Variants in HACE1 observed in about 807,000 individuals in gnomAD.
HACE1 encodes HECT domain and ankyrin repeat containing E3 ubiquitin protein ligase 1.
Under a neutral mutation model 118.4 loss-of-function variants are expected in HACE1, and 73 were observed. The ratio of observed to expected loss-of-function variants is 0.62; its 90% CI spans 0.51 to 0.75. The LOEUF is 0.75. Ranked by LOEUF, HACE1 falls within the 30% of genes least tolerant of loss-of-function variation. HACE1 has a pLI of 0.00. For missense variants in HACE1, 749 were observed against 1,102.2 expected, an observed-to-expected ratio of 0.68 and a Z score of 4.54; for synonymous variants, 368 against 374.8, an observed-to-expected ratio of 0.98 and a Z score of 0.21.
intron 4 of HACE1, among the ~76,000 whole-genome samples, chr6:104,843,542 G>C (rs925365220): frequency 6.6e-6 from 1 of 152,154 alleles, no homozygotes; most frequent in African/African-American, 2.4e-5. Context: ...ATATCATTGG[G>C]ACAAATCACA....
intron 22 of HACE1, among the ~76,000 whole-genome samples, chr6:104,733,920 A>T (rs926640871): frequency 3.9e-5 from 6 of 151,910 alleles, no homozygotes; most frequent in Non-Finnish European, 8.8e-5. Context: ...TGGGAAGCCA[A>T]GGCAGGTGGA....
At position 104,797,933 on chromosome 6, in the gene HACE1, T is replaced by G. The variant is rs552759252; in HGVS notation, c.618-908A>C. Among the ~76,000 whole-genome samples, 12 of 152,022 alleles carry G rather than the reference T, an allele frequency of 7.9e-5. No homozygotes were observed. The South Asian group carries it at 1.5e-3, about 18-fold the overall frequency. ...AAAATACAAAATTAGCTGGGCATGGTAGCCGGTGCCTGTAATCCCAGCTAC... is the reference window on the plus strand; with the variant it reads ...AAAATACAAAATTAGCTGGGCATGGGAGCCGGTGCCTGTAATCCCAGCTAC... On this transcript the variant is annotated intron_variant, in intron 7 of 23. Transcript: ENST00000262903.
chr6:104,729,693 T>A lies in HACE1; in HGVS notation c.2699A>T (p.His900Leu). ...ILKDRLLVAL[H>L]CGSYGYTMA Reference sequence around the variant, plus strand: ...CATTGTGTAACCATAGCTGCCACAATGTAGTGCCACAAGAAGTCTGTCCTT... The same window carrying A: ...CATTGTGTAACCATAGCTGCCACAAAGTAGTGCCACAAGAAGTCTGTCCTT... The change falls in exon 24 of 24, where the codon CAT becomes CTT. Residue 900 changes from histidine (H) to leucine (L), a missense_variant. By Grantham distance (99) the His-to-Leu change is moderately conservative (BLOSUM62 -3). Around this residue, in one of 5 missense-constraint regions of HACE1, gnomAD observed 165 missense variants for 229.9 expected, o/e 0.72. Coordinates refer to ENST00000262903, the MANE Select transcript of HACE1 (RefSeq NM_020771.4). The A allele has an allele frequency of 6.4e-7, 1 of 1,566,830 alleles. No individual in the cohort carries two copies. Among genetic ancestry groups the A allele is most frequent in the Non-Finnish European group, 8.8e-7 (1 of 1,136,932 alleles).
At chr6:104,765,153 T>C (rs1582356451) in intron 19 of HACE1, among the ~76,000 whole-genome samples, 2 of 152,350 alleles carry the variant, frequency 1.3e-5, no homozygotes, top group Middle Eastern at 6.8e-3. Flanking sequence ...TTATTTTTGA[T>C]GAGAATTTCA....
intron 19 of HACE1, among the ~76,000 whole-genome samples, chr6:104,762,390 T>A (rs1375565265): frequency 6.6e-6 from 1 of 152,150 alleles, no homozygotes; most frequent in Non-Finnish European, 1.5e-5. Context: ...TGAGTTCATG[T>A]CCTTTGCAGG....
At chr6:104,858,711 C>T (rs1776997837) in intron 1 of HACE1, among the ~76,000 whole-genome samples, 1 of 152,188 alleles carries the variant, frequency 6.6e-6, no homozygotes, top group South Asian at 2.1e-4. Flanking sequence ...CAGCTACAAC[C>T]TCCTCCCAAC....
At chr6:104,791,790 T>C (rs1474187022) in intron 10 of HACE1, 136 bp from the exon 11 acceptor site, 6 of 634,082 alleles carry the variant, frequency 9.5e-6, no homozygotes, top group Non-Finnish European at 1.6e-5. Context: ...TTTCCTATCA[T>C]GATAGGAGAT....
At chr6:104,734,492 G>A (rs1379878743) in intron 22 of HACE1, among the ~76,000 whole-genome samples, 1 of 152,072 alleles carries the variant, frequency 6.6e-6, no homozygotes, top group Non-Finnish European at 1.5e-5. Context: ...CTGGGAGTTC[G>A]AGGTAAAATT....
At chr6:104,819,764 C>G (rs892263132) in intron 6 of HACE1, among the ~76,000 whole-genome samples, 6 of 152,116 alleles carry the variant, frequency 3.9e-5, no homozygotes, top group African/African-American at 1.4e-4. Flanking sequence ...CTTCCACAAA[C>G]CTGACAAAAA....
At chr6:104,776,647 C>T (rs1582415845) in intron 17 of HACE1, 94 bp downstream of exon 17, 3 of 811,466 alleles carry the variant, frequency 3.7e-6, no homozygotes, top group Non-Finnish European at 6.6e-6. Context: ...ACCTAGCTCA[C>T]AGGTCTGCTG....
At chr6:104,811,453 C>A in intron 6 of HACE1, 60 bp from the exon 7 acceptor site, 1 of 819,830 alleles carries the variant, frequency 1.2e-6, no homozygotes. Flanking sequence ...GATACAATTA[C>A]CACAATTTTA....
intron 22 of HACE1, among the ~76,000 whole-genome samples, chr6:104,737,709 G>T (rs1776067628): frequency 2.0e-5 from 3 of 152,184 alleles, no homozygotes; most frequent in African/African-American, 7.2e-5. Flanking sequence ...TGCTAGCACA[G>T]CAGTCTGAGA....
At chr6:104,771,798 TA>T (rs1437707382) in intron 18 of HACE1, 126 bp downstream of exon 18, 2 of 690,290 alleles carry the variant, frequency 2.9e-6, no homozygotes, top group African/African-American at 3.7e-5. Context: ...ATGGCTTACA[TA>T]TACAGATGGG....
chr6:104,839,776 C>A (rs140554620), intron 5 of HACE1, among the ~76,000 whole-genome samples: 3 of 152,056 alleles, frequency 2.0e-5, no homozygotes, highest in African/African-American at 7.2e-5. Flanking sequence ...AAGGCCAAGG[C>A]GGGTAGATCA....
intron 19 of HACE1, among the ~76,000 whole-genome samples, chr6:104,753,334 G>A (rs1019544952): frequency 4.6e-5 from 7 of 152,110 alleles, no homozygotes; most frequent in Admixed American, 2.0e-4. Context: ...GAATACAGGC[G>A]GTCCAGAAAA....
rs1373427381 is a variant in HACE1 at position 104,859,669 on chromosome 6, G to A, written c.-27C>T. On this transcript the variant is annotated 5_prime_UTR_variant, in exon 1 of 24. Transcript: ENST00000262903. ...CTCGGCGCGCCCTCCGCGATCCTCC[G>A]CGATCAGCCGCCCCACCGGCGGCCT... 1.0e-5 allele frequency: 16 copies of A among 1,523,942 alleles called. No individual in the cohort carries two copies. The highest frequency in any genetic ancestry group is 2.0e-5 in the Admixed American group (1 of 50,048). The allele number at this position is 1,523,942 out of a possible 1,614,324, so 94.4% of individuals were successfully genotyped here.
intron 19 of HACE1, among the ~76,000 whole-genome samples, chr6:104,754,793 A>G (rs1262940854): frequency 9.9e-5 from 15 of 152,202 alleles, no homozygotes; most frequent in Admixed American, 9.8e-4. Context: ...AAAGAACTAA[A>G]TATGGAAAGA....
chr6:104,820,083 T>C (rs1039072564), intron 6 of HACE1, among the ~76,000 whole-genome samples: 6 of 151,004 alleles, frequency 4.0e-5, no homozygotes, highest in African/African-American at 7.3e-5. Flanking sequence ...TAATCCCAGC[T>C]ACTCAGGAGG....
intron 6 of HACE1, among the ~76,000 whole-genome samples, chr6:104,815,136 G>A (rs1395833574): frequency 7.3e-6 from 1 of 137,632 alleles, no homozygotes. Context: ...GGGAAAGTTT[G>A]GAACTTCCCA....
Sources: gnomAD v4.1 joint callset for allele counts (sites outside exome capture counted in the v4.1 genomes callset) on GRCh38, gnomAD v4.1.1 for gene constraint, gnomAD v4.1.1 regional missense constraint, MANE v1.5 for transcripts, NCBI Gene and HGNC (gene_info 2026-07-23, HGNC 2026-07-21) for gene names.